The following VPS35L variants were observed in gnomAD, a reference collection of about 807,000 sequenced individuals.
VPS35L encodes the protein VPS35 endosomal protein-sorting factor-like.
VPS35L carries 83 observed loss-of-function variants against 133.0 expected under a neutral mutation model. The ratio of observed to expected loss-of-function variants is 0.62; its 90% confidence interval spans 0.52 to 0.75. VPS35L has a LOEUF of 0.75. Ranked by LOEUF, VPS35L falls within the 30% of genes least tolerant of loss-of-function variation. The probability of loss-of-function intolerance (pLI) is 0.00; values close to 1 mark genes in which losing one functional copy is unlikely to be tolerated. For missense variants in VPS35L, 1,083 were observed against 1,206.8 expected (o/e 0.90, Z 1.52); for synonymous variants, 423 against 449.9 (o/e 0.94, Z 0.76).
intron 29 of VPS35L, among the ~76,000 whole-genome samples, chr16:19,696,101 G>C (rs1463657952): frequency 7.9e-5 from 12 of 152,040 alleles, no homozygotes. Context: ...AGCCAGGATG[G>C]TCTCGATCTC....
At chr16:19,628,184 G>A (rs1973330054) in intron 16 of VPS35L, among the ~76,000 whole-genome samples, 1 of 152,158 alleles carries the variant, frequency 6.6e-6, no homozygotes, top group Non-Finnish European at 1.5e-5. Flanking sequence ...GGGCAACACA[G>A]CAAGACCCCA....
intron 9 of VPS35L, among the ~76,000 whole-genome samples, chr16:19,603,353 T>C (rs1972445779): frequency 6.6e-6 from 1 of 152,026 alleles, no homozygotes; most frequent in Admixed American, 6.6e-5. Context: ...CCAGTCCAAA[T>C]TGAGATGTGA....
chr16:19,569,311 C>T (rs1279701415), intron 2 of VPS35L, 113 bp from the exon 3 acceptor site: 1 of 1,208,848 alleles, frequency 8.3e-7, no homozygotes, highest in Admixed American at 1.8e-5. Flanking sequence ...TAAGTCTCTG[C>T]TGCAAATGAA....
Position 19,639,886 on chromosome 16 carries a change from C to CA in VPS35L, c.1699-128dup. ...CTCTCCCTGATTTCAGAGGAGTCCTCATCTGACCCGACTCAGAGAGATGAA... is the reference window on the plus strand; with the variant it reads ...CTCTCCCTGATTTCAGAGGAGTCCTCAATCTGACCCGACTCAGAGAGATGAA... On this transcript the variant is annotated intron_variant, in intron 20 of 30. Coordinates refer to ENST00000417362, the MANE Select transcript of VPS35L (RefSeq NM_020314.7). This position sits in a 1 kb window ranked among gnomAD's most constrained non-coding sequence, Gnocchi z 4.1. 1 of 744,994 alleles carries CA rather than the reference C, an allele frequency of 1.3e-6. No homozygotes were observed. The highest frequency in any genetic ancestry group is 1.9e-5 in the South Asian group (1 of 54,038). 46.1% of individuals were successfully genotyped at this position (744,994 alleles called of 1,614,324 possible).
At chr16:19,648,063 C>T (rs1185142152) in intron 24 of VPS35L, among the ~76,000 whole-genome samples, 181 bp downstream of exon 24, 1 of 152,078 alleles carries the variant, frequency 6.6e-6, no homozygotes, top group African/African-American at 2.4e-5. Flanking sequence ...AAGCAATTCT[C>T]CCTGTCTCAG....
chr16:19,649,232 C>A (rs1392548029), intron 24 of VPS35L, among the ~76,000 whole-genome samples: 5 of 152,108 alleles, frequency 3.3e-5, no homozygotes. Context: ...CTAAGGTGAT[C>A]CACCTGCCTC....
rs564109696 is a variant in VPS35L, at chr16:19,695,989, T to C, written c.2647-3513T>C. Among the ~76,000 whole-genome samples, 12 of 152,042 alleles carry C rather than the reference T, an allele frequency of 7.9e-5. No homozygotes were observed. The South Asian group carries it at 2.5e-3, about 32-fold the overall frequency. ...GCAACCTCCACCTCCCAGATTCAAG[T>C]GATTCTCCTGCCTCAGGCTTCCGAG... On this transcript the variant is annotated intron_variant, in intron 29 of 30. Coordinates refer to ENST00000417362, the MANE Select transcript of VPS35L (RefSeq NM_020314.7).
chr16:19,640,523 C>T (rs1973755080), intron 21 of VPS35L, among the ~76,000 whole-genome samples: 1 of 152,204 alleles, frequency 6.6e-6, no homozygotes, highest in Non-Finnish European at 1.5e-5. Flanking sequence ...TCAGGACATA[C>T]ATACTTACGA....
intron 5 of VPS35L, among the ~76,000 whole-genome samples, chr16:19,576,192 A>G (rs1406862057): frequency 6.6e-6 from 1 of 150,682 alleles, no homozygotes; most frequent in Non-Finnish European, 1.5e-5. Context: ...AAAAAAAAAA[A>G]ACAAAGAGGT....
At chr16:19,627,854 T>G (rs752463739) in intron 16 of VPS35L, 49 bp downstream of exon 16, 1 of 1,413,854 alleles carries the variant, frequency 7.1e-7, no homozygotes, top group South Asian at 1.2e-5. Context: ...GCGGTGTGTA[T>G]CTGATAGCTC....
At chr16:19,629,500 A>T (rs920947163) in intron 17 of VPS35L, among the ~76,000 whole-genome samples, 4 of 152,240 alleles carry the variant, frequency 2.6e-5, no homozygotes, top group Non-Finnish European at 5.9e-5. Flanking sequence ...AACTTAAAAA[A>T]AATGCATAAC....
chr16:19,695,808 C>G (rs1465210182), intron 29 of VPS35L, among the ~76,000 whole-genome samples: 1 of 148,906 alleles, frequency 6.7e-6, no homozygotes, highest in Non-Finnish European at 1.5e-5. Context: ...CAGAGCAAGA[C>G]CCTGTCTCTA....
At chr16:19,691,232 G>A (rs1359214494) in intron 28 of VPS35L, 121 bp from the exon 29 acceptor site, 5 of 768,802 alleles carry the variant, frequency 6.5e-6, no homozygotes, top group Non-Finnish European at 1.1e-5. Context: ...CCACTTCCAT[G>A]TGCCCTGCCA....
At chr16:19,688,969 G>A (rs1000373541) in intron 28 of VPS35L, among the ~76,000 whole-genome samples, 3 of 152,134 alleles carry the variant, frequency 2.0e-5, no homozygotes, top group Non-Finnish European at 4.4e-5. Flanking sequence ...ATCGTACAGT[G>A]GGATACTACG....
chr16:19,555,966 C>T (rs1970841326), intron 1 of VPS35L, among the ~76,000 whole-genome samples: 2 of 152,214 alleles, frequency 1.3e-5, no homozygotes, highest in Non-Finnish European at 2.9e-5. Context: ...CGTCTGCTGC[C>T]TCTCTGCGCC....
At chr16:19,642,749 T>C (rs1194597040) in intron 22 of VPS35L, among the ~76,000 whole-genome samples, 1 of 152,200 alleles carries the variant, frequency 6.6e-6, no homozygotes. Context: ...ACTCCATGTC[T>C]CTTGGAGATT....
chr16:19,695,124 A>C (rs1266600551), intron 29 of VPS35L, among the ~76,000 whole-genome samples: 2 of 152,238 alleles, frequency 1.3e-5, no homozygotes, highest in Non-Finnish European at 2.9e-5. Context: ...GATTTCTTGA[A>C]ACCATTGGTT....
chr16:19,640,734 A>T (rs1203701008), intron 21 of VPS35L, among the ~76,000 whole-genome samples: 1 of 152,236 alleles, frequency 6.6e-6, no homozygotes, highest in East Asian at 1.9e-4. Context: ...AAGGTGGTGC[A>T]TGGAAAAAAG....
At chr16:19,572,646 AT>A (rs912245066) in intron 3 of VPS35L, among the ~76,000 whole-genome samples, 4 of 152,146 alleles carry the variant, frequency 2.6e-5, no homozygotes, top group South Asian at 2.1e-4. Context: ...GAGTTTGAGC[AT>A]TTTTTGATAT....
Sources: gnomAD v4.1 joint callset for allele counts (sites outside exome capture counted in the v4.1 genomes callset) on GRCh38, gnomAD v4.1.1 for gene constraint, Gnocchi (gnomAD v3.1) non-coding constraint, MANE v1.5 for transcripts, NCBI Gene and HGNC (gene_info 2026-07-23, HGNC 2026-07-21) for gene names.